ZNF343: variants seen among roughly 807,000 people sequenced by gnomAD.
The protein encoded by ZNF343 is zinc finger protein 343.
A neutral mutation model predicts 13.8 loss-of-function variants in ZNF343; 11 were observed. That is an observed-to-expected ratio of 0.80 (90% CI 0.50 to 1.32). ZNF343 has a LOEUF of 1.32. ZNF343 is among the 40% of genes most tolerant of loss of function. ZNF343 has a pLI of 0.00. For synonymous variants in ZNF343, 248 were observed against 260.0 expected, an observed-to-expected ratio of 0.95 and a Z score of 0.44; for missense variants, 658 against 714.2, an observed-to-expected ratio of 0.92 and a Z score of 0.90.
At chr20:2,498,790 C>G (rs924466650) in intron 2 of ZNF343, among the ~76,000 whole-genome samples, 1 of 152,286 alleles carries the variant, frequency 6.6e-6, no homozygotes, top group Middle Eastern at 3.4e-3. Flanking sequence ...GTAGAAAGCA[C>G]AGAGAGTGAA....
At chr20:2,511,051 G>C (rs1262357374), upstream of ZNF343, among the ~76,000 whole-genome samples, 1 of 152,034 alleles carries the variant, frequency 6.6e-6, no homozygotes, top group East Asian at 1.9e-4. Flanking sequence ...AAGGAACTCA[G>C]GACAAATGTG....
At chr20:2,485,038 T>C (rs1046133782) in intron 5 of ZNF343, among the ~76,000 whole-genome samples, 5 of 152,114 alleles carry the variant, frequency 3.3e-5, no homozygotes, top group African/African-American at 4.8e-5. Context: ...TTTCTTATTA[T>C]ATAAAAAAGG....
At chr20:2,488,179 A>C (rs555506640) in intron 5 of ZNF343, among the ~76,000 whole-genome samples, 2 of 152,252 alleles carry the variant, frequency 1.3e-5, no homozygotes, top group South Asian at 4.1e-4. Flanking sequence ...TTTTTAGCCA[A>C]ATTTAGAAAA....
In ZNF343 at chr20:2,493,910, C is replaced by T. The variant is rs752737973; in HGVS notation, c.-15G>A. On this transcript the variant is annotated 5_prime_UTR_variant, in exon 3 of 6. Transcript: ENST00000278772. ...GGCAACATCATGGCGCCAGAGTCAG[C>T]CCAGTGTGTGCCTTGAAATTCTGCC... 2.6e-6 allele frequency: 4 copies of T among 1,561,094 alleles called. No homozygotes were observed. In the Admixed American group the frequency reaches 5.0e-5, roughly 20 times the overall value.
chr20:2,483,357 G>A lies in ZNF343; in HGVS notation c.1604C>T (p.Thr535Ile). 4 of 1,611,668 alleles carry A rather than the reference G, an allele frequency of 2.5e-6. No individual in the cohort carries two copies. The highest frequency in any genetic ancestry group is 1.7e-6 in the Non-Finnish European group (2 of 1,179,492). The change falls in exon 6 of 6, where the codon ACC becomes ATC. Residue 535 changes from threonine to isoleucine, a missense_variant. Physicochemically the swap from Thr to Ile is moderately conservative, Grantham distance 89 (BLOSUM62 -1). Coordinates refer to ENST00000278772, the MANE Select transcript of ZNF343 (RefSeq NM_024325.6). ...GTGTGTCCTCTCATGTACAATGAGG[G>A]TTGACTTGTCACAAAAGCCTCGCCC... ...ECGRGFCDKSTLIVHERTHSG... is the reference protein window; with the variant it reads ...ECGRGFCDKSILIVHERTHSG...
At chr20:2,506,236 G>C (rs1275533906) in intron 1 of ZNF343, among the ~76,000 whole-genome samples, 13 of 152,176 alleles carry the variant, frequency 8.5e-5, no homozygotes, top group South Asian at 8.3e-4. Flanking sequence ...AAATCAAAAC[G>C]ACAATGAGAT....
rs1260151783 is a variant in ZNF343, at chr20:2,492,688, C to T, written c.304+11G>A. On this transcript the variant is annotated intron_variant, in intron 5 of 5. Transcript: ENST00000278772. ...TGAATTAATGAAGGAAAGGAAAGAA[C>T]ACAGCCTTACCCAATGAGAGAAGAT... 2.5e-6 allele frequency: 4 copies of T among 1,607,112 alleles called. No homozygotes were observed. The highest frequency in any genetic ancestry group is 2.7e-5 in the African/African-American group (2 of 74,386).
chr20:2,509,485 A>G (rs2085723992), upstream of ZNF343, among the ~76,000 whole-genome samples: 1 of 152,198 alleles, frequency 6.6e-6, no homozygotes, highest in African/African-American at 2.4e-5. Context: ...AGTTAGGGAC[A>G]GACTCTCATC....
chr20:2,482,017 G>C lies in ZNF343; in HGVS notation c.*1144C>G, dbSNP rs889784314. ...AGACTGTCCTCCTAAGTCAGTTGAG[G>C]AGTGACATCGGGATGAAGCTCCACC... On this transcript the variant is annotated 3_prime_UTR_variant, in exon 6 of 6. Transcript: ENST00000278772. The C allele has an allele frequency of 6.6e-6, 1 of 152,170 alleles. No individual in the cohort carries two copies. The highest frequency in any genetic ancestry group is 1.5e-5 in the Non-Finnish European group (1 of 68,044). The allele number at this position is 152,170 out of a possible 1,614,324, so 9.4% of individuals were successfully genotyped here.
intron 5 of ZNF343, among the ~76,000 whole-genome samples, chr20:2,486,054 T>A (rs2085276176): frequency 6.6e-6 from 1 of 152,248 alleles, no homozygotes; most frequent in South Asian, 2.1e-4. Context: ...GCCTTGATAT[T>A]TTGACTGTGA....
chr20:2,513,056 T>C (rs1600082542), upstream of ZNF343, among the ~76,000 whole-genome samples: 1 of 152,028 alleles, frequency 6.6e-6, no homozygotes, highest in African/African-American at 2.4e-5. Context: ...GCCATGATTG[T>C]ACCACTGCAC....
At chr20:2,521,311 G>A (rs774188855) in intron 1 of ZNF343, among the ~76,000 whole-genome samples, 10 of 152,208 alleles carry the variant, frequency 6.6e-5, no homozygotes, top group Non-Finnish European at 1.5e-5. Flanking sequence ...AGACTCTGGG[G>A]CAGAAAGTGG....
chr20:2,504,074 AAAG>A lies in ZNF343; in HGVS notation c.-236-3335_-236-3333del, dbSNP rs1188127788. ...TTGATAGACCGCTAGCAAGACTAATAAAGAAGAAAAGAGAGAAGAATCAAATAG... is the reference window on the plus strand; with the variant it reads ...TTGATAGACCGCTAGCAAGACTAATAAAGAAAAGAGAGAAGAATCAAATAG... On this transcript the variant is annotated intron_variant, in intron 1 of 5. Coordinates refer to ENST00000278772, the MANE Select transcript of ZNF343 (RefSeq NM_024325.6). Among the ~76,000 whole-genome samples the A allele has an allele frequency of 3.9e-5, 6 of 152,258 alleles. No individual in the cohort carries two copies. In the South Asian group the frequency reaches 1.0e-3, roughly 26 times the overall value.
intron 1 of ZNF343, among the ~76,000 whole-genome samples, chr20:2,504,185 C>G (rs2085616850): frequency 6.6e-6 from 1 of 152,196 alleles, no homozygotes; most frequent in Non-Finnish European, 1.5e-5. Context: ...ATAAACACCT[C>G]TACGCAAATA....
chr20:2,517,602 A>C (rs1290235884), intron 1 of ZNF343, among the ~76,000 whole-genome samples: 1 of 151,644 alleles, frequency 6.6e-6, no homozygotes, highest in Non-Finnish European at 1.5e-5. Context: ...CCTGGGCTCA[A>C]GCAGTCCTCC....
At chr20:2,502,610 T>G (rs2085588013) in intron 1 of ZNF343, among the ~76,000 whole-genome samples, 1 of 152,226 alleles carries the variant, frequency 6.6e-6, no homozygotes, top group East Asian at 1.9e-4. Flanking sequence ...TAACAGCTGA[T>G]CTCTCGGCAG....
intron 2 of ZNF343, among the ~76,000 whole-genome samples, chr20:2,497,862 C>A (rs931297898): frequency 2.0e-5 from 3 of 152,104 alleles, no homozygotes; most frequent in Non-Finnish European, 4.4e-5. Context: ...CTGAACCCCC[C>A]GTACCCACCC....
chr20:2,519,582 GTGTGTGTGCA>G (rs1338755937), intron 1 of ZNF343, among the ~76,000 whole-genome samples: 1 of 152,132 alleles, frequency 6.6e-6, no homozygotes, highest in African/African-American at 2.4e-5. Flanking sequence ...ATCTCCATAT[GTGTGTGTGCA>G]TGTGTGTGTA....
intron 5 of ZNF343, among the ~76,000 whole-genome samples, chr20:2,491,427 T>C (rs1477351120): frequency 6.6e-6 from 1 of 152,198 alleles, no homozygotes; most frequent in African/African-American, 2.4e-5. Context: ...AAATTTAAAC[T>C]TACCTATGTG....
Sources: allele counts gnomAD v4.1 joint callset (sites outside exome capture counted in the v4.1 genomes callset), GRCh38; gene constraint gnomAD v4.1.1; transcripts MANE v1.5; gene names NCBI Gene and HGNC (gene_info 2026-07-23, HGNC 2026-07-21).